THSD7A: variants seen among roughly 807,000 people sequenced by gnomAD.
THSD7A encodes thrombospondin type-1 domain-containing protein 7A.
In THSD7A, 96 loss-of-function variants were observed where a neutral mutation model predicts 231.3. The ratio of observed to expected loss-of-function variants is 0.41; its 90% CI spans 0.35 to 0.49. The LOEUF is 0.49. Among genes scored for constraint, THSD7A ranks in the 20% least tolerant of loss-of-function variants. THSD7A has a pLI of 0.05. For synonymous variants in THSD7A, 940 were observed against 743.3 expected (o/e 1.26, Z -4.30); for missense variants, 2,290 against 2,070.2 (o/e 1.11, Z -2.06).
At chr7:11,490,535 A>C (rs992545275) in intron 6 of THSD7A, among the ~76,000 whole-genome samples, 1 of 152,226 alleles carries the variant, frequency 6.6e-6, no homozygotes, top group Non-Finnish European at 1.5e-5. Flanking sequence ...AATGCCAACT[A>C]TCATGGTACA....
chr7:11,748,756 A>C (rs1782398341), intron 1 of THSD7A, among the ~76,000 whole-genome samples: 1 of 152,016 alleles, frequency 6.6e-6, no homozygotes. Flanking sequence ...TACTTTTAAA[A>C]ATATTTTCTT....
At chr7:11,786,762 A>T (rs995229041) in intron 1 of THSD7A, among the ~76,000 whole-genome samples, 2 of 62,250 alleles carry the variant, frequency 3.2e-5, no homozygotes, top group African/African-American at 1.9e-4. Flanking sequence ...ATAATAATAA[A>T]AAAAAAAAAA....
At chr7:11,616,024 A>G (rs773998813) in intron 2 of THSD7A, among the ~76,000 whole-genome samples, 88 of 152,304 alleles carry the variant, frequency 5.8e-4, no homozygotes, top group Admixed American at 7.8e-4. Flanking sequence ...CAATTATGTC[A>G]CCAAATTTTT....
chr7:11,456,798 C>T (rs983158547), intron 11 of THSD7A, among the ~76,000 whole-genome samples: 4 of 151,910 alleles, frequency 2.6e-5, no homozygotes, highest in South Asian at 4.1e-4. Flanking sequence ...AAACAGGCTG[C>T]GGACTGGATT....
chr7:11,433,839 G>A (rs115105237), intron 13 of THSD7A, among the ~76,000 whole-genome samples: 7,963 of 152,000 alleles, frequency 0.052, 202 homozygotes, highest in Admixed American at 0.066. Context: ...ATTAAGGAAG[G>A]AGATACAAAA....
chr7:11,379,132 G>A lies in THSD7A; in HGVS notation c.4739C>T (p.Thr1580Ile), dbSNP rs201601899. Residue 1580 changes from threonine (T) to isoleucine (I), a missense_variant, in exon 26 of 28, where the codon ACC (threonine) becomes ATC (isoleucine). By Grantham distance (89) the Thr-to-Ile change is moderately conservative. Transcript: ENST00000423059. Reference sequence around the variant, plus strand: ...TCCTGCTGGGTTACTGGAGGGTTGGGTTGGATGTACAGCCCGACTGGTTTT... The same window carrying A: ...TCCTGCTGGGTTACTGGAGGGTTGGATTGGATGTACAGCCCGACTGGTTTT... ...DVKTSRAVHP[T>I]QPSSNPAGRG... 9 of 1,613,646 alleles carry A rather than the reference G, an allele frequency of 5.6e-6. No homozygotes were observed. Among genetic ancestry groups the A allele is most frequent in the African/African-American group, 1.3e-5 (1 of 75,018 alleles).
intron 15 of THSD7A, 66 bp from the exon 16 acceptor site, chr7:11,424,895 A>T (rs1784268711): frequency 6.3e-7 from 1 of 1,579,324 alleles, no homozygotes; most frequent in Admixed American, 1.8e-5. Context: ...AGACTTCCAC[A>T]CCATAACAGC....
At chr7:11,721,048 T>A (rs1460437998) in intron 1 of THSD7A, among the ~76,000 whole-genome samples, 1 of 151,876 alleles carries the variant, frequency 6.6e-6, no homozygotes, top group East Asian at 2.0e-4. Flanking sequence ...CATATGCCTC[T>A]CAGGTTTCTG....
chr7:11,488,742 T>G (rs6952535), intron 6 of THSD7A, among the ~76,000 whole-genome samples: 6 of 151,634 alleles, frequency 4.0e-5, no homozygotes, highest in Non-Finnish European at 5.9e-5. Flanking sequence ...ATATATTAGC[T>G]GAAAACCAAC....
intron 2 of THSD7A, among the ~76,000 whole-genome samples, chr7:11,633,066 C>CATTT (rs1487415950): frequency 1.3e-5 from 2 of 152,122 alleles, no homozygotes; most frequent in Non-Finnish European, 2.9e-5. Context: ...ATGTGAATTG[C>CATTT]ATTTCTGTTC....
intron 2 of THSD7A, 54 bp from the exon 3 acceptor site, chr7:11,593,556 T>C: frequency 1.3e-6 from 2 of 1,585,412 alleles, no homozygotes; most frequent in East Asian, 2.3e-5. Context: ...TTATGAACTT[T>C]GTCTTCTACG....
rs1785244070 is a variant in THSD7A, at chr7:11,454,575, T to C, written c.2605+6087A>G. On this transcript the variant is annotated intron_variant, in intron 11 of 27. Transcript: ENST00000423059. ...TATCAGTGGTTATCTCTTTTTTTTT[T>C]TTCAATTCTTCAGTGATTATTGTGT... Among the ~76,000 whole-genome samples, 4 of 151,632 alleles carry C rather than the reference T, an allele frequency of 2.6e-5. No homozygotes were observed. In the Admixed American group the frequency reaches 2.6e-4, roughly 10 times the overall value.
At chr7:11,451,192 T>A (rs1027437118) in intron 11 of THSD7A, among the ~76,000 whole-genome samples, 2 of 151,938 alleles carry the variant, frequency 1.3e-5, no homozygotes, top group African/African-American at 4.8e-5. Flanking sequence ...ATAACTGTTG[T>A]CAGATTAAAA....
chr7:11,820,368 A>C, intron 1 of THSD7A: 1 of 1,212,704 alleles, frequency 8.2e-7, no homozygotes, highest in East Asian at 2.7e-5. Context: ...TCTCTGTCCC[A>C]CTCTTGTCGT....
chr7:11,725,279 A>G (rs1386996949), intron 1 of THSD7A, among the ~76,000 whole-genome samples: 1 of 151,970 alleles, frequency 6.6e-6, no homozygotes, highest in Admixed American at 6.6e-5. Flanking sequence ...AATGGGATGT[A>G]CTTTTATACT....
At chr7:11,550,491 C>T (rs754464993) in intron 4 of THSD7A, among the ~76,000 whole-genome samples, 18 of 152,146 alleles carry the variant, frequency 1.2e-4, no homozygotes, top group Non-Finnish European at 2.6e-4. Flanking sequence ...TTCCCCCATG[C>T]TATTCTCATG....
intron 19 of THSD7A, 130 bp from the exon 20 acceptor site, chr7:11,407,553 G>A (rs1783628543): frequency 1.5e-6 from 1 of 663,566 alleles, no homozygotes; most frequent in African/African-American, 1.8e-5. Context: ...GTTACCTGGA[G>A]GACAAACATC....
intron 1 of THSD7A, among the ~76,000 whole-genome samples, chr7:11,742,678 C>A (rs954385122): frequency 6.6e-6 from 1 of 151,880 alleles, no homozygotes; most frequent in Non-Finnish European, 1.5e-5. Context: ...GCAGTGATTG[C>A]CAAGAGACTG....
At position 11,566,969 on chromosome 7, in the gene THSD7A, G is replaced by GGGGGGC. The variant is rs1554339262; in HGVS notation, c.1453+23490_1453+23491insGCCCCC. ...GTGGATCCAGCTGTGGGAGAGTGGG[G>GGGGGGC]GGGGGACTGACCAACAAAGTTTCCT... On this transcript the variant is annotated intron_variant, in intron 4 of 27. Transcript: ENST00000423059. Among the ~76,000 whole-genome samples, 3 of 84,138 alleles carry GGGGGGC rather than the reference G, an allele frequency of 3.6e-5. 1 individual carries two copies. The highest frequency in any genetic ancestry group is 1.7e-4 in the African/African-American group (3 of 17,298). 55.2% of individuals were successfully genotyped at this position (84,138 alleles called of 152,430 possible). A position where few individuals can be genotyped will look rare whatever the true frequency, so the allele number is the denominator to read the frequency against.
Sources: gnomAD v4.1 joint callset for allele counts (sites outside exome capture counted in the v4.1 genomes callset) on GRCh38, gnomAD v4.1.1 for gene constraint, MANE v1.5 for transcripts, NCBI Gene and HGNC (gene_info 2026-07-23, HGNC 2026-07-21) for gene names.